Variants in TFB2M observed in about 807,000 individuals in gnomAD.
TFB2M encodes the protein dimethyladenosine transferase 2, mitochondrial.
Under a neutral mutation model 41.3 loss-of-function variants are expected in TFB2M, and 44 were observed. The observed-to-expected ratio is 1.07, with a 90% CI of 0.84 to 1.37. TFB2M has a LOEUF of 1.37. TFB2M is among the 40% of genes most tolerant of loss of function. TFB2M has a pLI of 0.00. For synonymous variants in TFB2M, 188 were observed against 176.8 expected, an observed-to-expected ratio of 1.06 and a Z score of -0.50; for missense variants, 496 against 490.2, an observed-to-expected ratio of 1.01 and a Z score of -0.11.
At chr1:246,551,497 G>A (rs3124069) in intron 4 of TFB2M, among the ~76,000 whole-genome samples, 195 bp from the exon 5 acceptor site, 29,119 of 152,190 alleles carry the variant, frequency 0.19, 3,737 homozygotes, top group Middle Eastern at 0.4. Context: ...CAAGGGGACT[G>A]CTTGAGCCCA....
chr1:246,546,351 C>T (rs1659019537), intron 6 of TFB2M, among the ~76,000 whole-genome samples: 1 of 126,838 alleles, frequency 7.9e-6, no homozygotes, highest in Non-Finnish European at 1.8e-5. Flanking sequence ...TGGCGGCTCA[C>T]GCCTGTAATC....
chr1:246,556,785 T>A, intron 3 of TFB2M, 64 bp from the exon 4 acceptor site: 1 of 1,352,560 alleles, frequency 7.4e-7, no homozygotes, highest in Non-Finnish European at 1.0e-6. Flanking sequence ...ATGTCCATAT[T>A]TTTTTGAGAC....
rs1558506977 is a variant in TFB2M at position 246,541,022 on chromosome 1, G to T, written c.*9C>A. Reference sequence around the variant, plus strand: ...ATGAACCGCTCCACCAAAAACGACAGTCTAGTTGCTACCTATCTTCCAGGG... The same window carrying T: ...ATGAACCGCTCCACCAAAAACGACATTCTAGTTGCTACCTATCTTCCAGGG... On this transcript the variant is annotated 3_prime_UTR_variant, in exon 8 of 8. Transcript: ENST00000366514. The T allele has an allele frequency of 6.2e-7, 1 of 1,603,894 alleles. No individual in the cohort carries two copies. Among genetic ancestry groups the T allele is most frequent in the Non-Finnish European group, 8.5e-7 (1 of 1,174,686 alleles).
At chr1:246,560,625 G>C (rs1274809753) in intron 2 of TFB2M, among the ~76,000 whole-genome samples, 1 of 152,182 alleles carries the variant, frequency 6.6e-6, no homozygotes, top group Non-Finnish European at 1.5e-5. Context: ...GCACTTGTCA[G>C]TTAACACTCA....
chr1:246,545,906 G>A (rs1659006493), intron 6 of TFB2M, among the ~76,000 whole-genome samples: 2 of 151,402 alleles, frequency 1.3e-5, no homozygotes, highest in South Asian at 4.2e-4. Flanking sequence ...ACCCAACTGA[G>A]CCACCTCACA....
rs139898768 is a variant in TFB2M at position 246,548,797 on chromosome 1, A to G, written c.796-190T>C. 5.3e-5 allele frequency among the ~76,000 whole-genome samples: 8 copies of G among 152,364 alleles called. No individual in the cohort carries two copies. In the East Asian group the frequency reaches 1.5e-3, roughly 29 times the overall value. ...AATTTTTTTAAAGAGGAGGAGGATCAAAAGTCTACCCAAATACTAGTACCT... is the reference window on the plus strand; with the variant it reads ...AATTTTTTTAAAGAGGAGGAGGATCGAAAGTCTACCCAAATACTAGTACCT... On this transcript the variant is annotated intron_variant, in intron 5 of 7. Transcript: ENST00000366514.
rs1659662865 is a variant in TFB2M, at chr1:246,566,101, C to T, written c.38G>A (p.Arg13Lys). The change falls in exon 1 of 8, where the codon AGG becomes AAG. Residue 13 changes from arginine (R) to lysine (K), a missense_variant. Transcript: ENST00000366514. ...ACCAGCGCCCGCCAAGGCGGAGAGC[C>T]TCAGCCGCCGAGGAAGCCCGACCAC... is the stretch of plus-strand genomic sequence containing the variant. ...IPVVGLPRRL[R>K]LSALAGAGRF... 1 of 1,611,340 alleles carries T rather than the reference C, an allele frequency of 6.2e-7. No homozygotes were observed. The highest frequency in any genetic ancestry group is 1.1e-5 in the South Asian group (1 of 91,054).
intron 7 of TFB2M, among the ~76,000 whole-genome samples, chr1:246,543,884 G>C (rs1217802227): frequency 6.6e-6 from 1 of 152,106 alleles, no homozygotes; most frequent in African/African-American, 2.4e-5. Flanking sequence ...CAGCTACTCA[G>C]GAGGCTGAGG....
Position 246,540,898 on chromosome 1 carries a change from GA to G in TFB2M, c.*132del, listed in dbSNP as rs1285242545. 1 of 768,798 alleles carries G rather than the reference GA, an allele frequency of 1.3e-6. No homozygotes were observed. The highest frequency in any genetic ancestry group is 2.0e-6 in the Non-Finnish European group (1 of 491,500). The allele number at this position is 768,798 out of a possible 1,614,324, so 47.6% of individuals were successfully genotyped here. On this transcript the variant is annotated 3_prime_UTR_variant, in exon 8 of 8. Coordinates refer to ENST00000366514, the MANE Select transcript of TFB2M (RefSeq NM_022366.3). ...ATAAGCCAATGATATCAGCTTAGGA[GA>G]AATGATCTGCCTGGCTTGTGCAAGA...
intron 5 of TFB2M, among the ~76,000 whole-genome samples, chr1:246,550,356 A>G (rs150653998): frequency 8.4e-4 from 128 of 152,324 alleles, no homozygotes; most frequent in Non-Finnish European, 1.1e-3. Context: ...GGGAATGGAG[A>G]AAAATGATGA....
chr1:246,562,769 C>T (rs1659487543), intron 2 of TFB2M, among the ~76,000 whole-genome samples: 1 of 152,040 alleles, frequency 6.6e-6, no homozygotes, highest in South Asian at 2.1e-4. Context: ...AAGCGATTCT[C>T]CTGCCTCAGC....
At position 246,564,420 on chromosome 1, in the gene TFB2M, T is replaced by A; in HGVS notation, c.328A>T (p.Thr110Ser). Residue 110 changes from threonine (T) to serine (S), a missense_variant, in exon 2 of 8, where the codon ACT becomes TCT. Coordinates refer to ENST00000366514, the MANE Select transcript of TFB2M (RefSeq NM_022366.3). ...GCACCAGCTTCAAGTAATGCCTGAG[T>A]CAGGATTCCAGGACCTGGCACATTA... ...LECNPGPGIL[T>S]QALLEAGAKV... 1 of 1,614,082 alleles carries A rather than the reference T, an allele frequency of 6.2e-7. No homozygotes were observed. Among genetic ancestry groups the A allele is most frequent in the Non-Finnish European group, 8.5e-7 (1 of 1,179,978 alleles).
chr1:246,551,138 G>T, intron 5 of TFB2M, 75 bp downstream of exon 5: 2 of 1,124,466 alleles, frequency 1.8e-6, no homozygotes, highest in Non-Finnish European at 2.7e-6. Flanking sequence ...TTGTGCCACT[G>T]CACTCCAGCC....
chr1:246,565,837 T>G lies in TFB2M; in HGVS notation c.302A>C (p.Glu101Ala). The G allele has an allele frequency of 2.5e-6, 4 of 1,600,908 alleles. No homozygotes were observed. Among genetic ancestry groups the G allele is most frequent in the Non-Finnish European group, 3.4e-6 (4 of 1,168,692 alleles). ...KPSRPPHLLLECNPGPGILTQ... is the reference protein window; with the variant it reads ...KPSRPPHLLLACNPGPGILTQ... ...TCAGCTGGACTCACCTGGATTGCAC[T>G]CCAGCAGTAGGTGTGGAGGTCTACT... Residue 101 changes from glutamate to alanine, a missense_variant, in exon 1 of 8, where the codon GAG (glutamate) becomes GCG (alanine). Transcript: ENST00000366514.
intron 2 of TFB2M, among the ~76,000 whole-genome samples, chr1:246,559,290 T>C (rs1659396847): frequency 6.6e-6 from 1 of 152,092 alleles, no homozygotes; most frequent in African/African-American, 2.4e-5. Context: ...GGCTCACACG[T>C]GTAATACCAG....
In TFB2M at chr1:246,564,043, G is replaced by A. The variant is rs544419098; in HGVS notation, c.402+303C>T. On this transcript the variant is annotated intron_variant, in intron 2 of 7. Transcript: ENST00000366514. ...AGCTCACAGAAGAAAGGAGCACAGCGCAGCTTAGTAGAAATGGGGAAACAA... is the reference window on the plus strand; with the variant it reads ...AGCTCACAGAAGAAAGGAGCACAGCACAGCTTAGTAGAAATGGGGAAACAA... 1.8e-4 allele frequency among the ~76,000 whole-genome samples: 27 copies of A among 152,282 alleles called. No homozygotes were observed. In the South Asian group the frequency reaches 4.8e-3, roughly 27 times the overall value.
chr1:246,546,602 A>AATTC (rs1478827832), intron 6 of TFB2M, among the ~76,000 whole-genome samples: 1 of 151,486 alleles, frequency 6.6e-6, no homozygotes, highest in Non-Finnish European at 1.5e-5. Flanking sequence ...TGACAGAATG[A>AATTC]GACTTTGCCT....
chr1:246,546,042 C>T (rs941482608), intron 6 of TFB2M, among the ~76,000 whole-genome samples: 6 of 151,928 alleles, frequency 3.9e-5, no homozygotes, highest in African/African-American at 9.7e-5. Context: ...GACATGAGGC[C>T]GGGTTGCTCA....
chr1:246,554,954 T>C (rs1659282140), intron 4 of TFB2M, among the ~76,000 whole-genome samples: 1 of 152,138 alleles, frequency 6.6e-6, no homozygotes, highest in Non-Finnish European at 1.5e-5. Context: ...AAATCATGTA[T>C]GATAAGAGAT....
Sources: gnomAD v4.1 joint callset for allele counts (sites outside exome capture counted in the v4.1 genomes callset) on GRCh38, gnomAD v4.1.1 for gene constraint, MANE v1.5 for transcripts, NCBI Gene and HGNC (gene_info 2026-07-23, HGNC 2026-07-21) for gene names.